LIPA: variants seen among roughly 807,000 people sequenced by gnomAD.
LIPA encodes the protein lipase A, lysosomal acid type.
LIPA carries 26 observed loss-of-function variants against 40.6 expected under a neutral mutation model. The ratio of observed to expected loss-of-function variants is 0.64; its 90% CI spans 0.47 to 0.89. LIPA has a LOEUF of 0.89. Among genes scored for constraint, LIPA ranks in the 40% least tolerant of loss-of-function variants. The probability of loss-of-function intolerance (pLI) is 0.00; values close to 1 mark genes in which losing one functional copy is unlikely to be tolerated. For synonymous variants in LIPA, 188 were observed against 168.4 expected (o/e 1.12, Z -0.90); for missense variants, 455 against 479.6 (o/e 0.95, Z 0.48).
chr10:89,267,571 G>T (rs1427206879), intron 1 of LIPA, among the ~76,000 whole-genome samples: 1 of 110,724 alleles, frequency 9.0e-6, no homozygotes, highest in Non-Finnish European at 1.8e-5. Flanking sequence ...ACACTCTGGG[G>T]ACTGTGGTGG....
chr10:89,329,608 C>A (rs1843630484), intron 1 of LIPA, among the ~76,000 whole-genome samples: 1 of 152,002 alleles, frequency 6.6e-6, no homozygotes, highest in Non-Finnish European at 1.5e-5. Context: ...GGAGAACTCA[C>A]TGGCACGTGC....
intron 1 of LIPA, among the ~76,000 whole-genome samples, chr10:89,276,966 A>G (rs7096524): frequency 0.83 from 126,139 of 152,142 alleles, 53,097 homozygotes; most frequent in East Asian, 1. Flanking sequence ...TCGACCCTCC[A>G]TCTCATTCAC....
intron 1 of LIPA, among the ~76,000 whole-genome samples, chr10:89,296,282 C>A (rs1843414247): frequency 6.6e-6 from 1 of 151,874 alleles, no homozygotes; most frequent in African/African-American, 2.4e-5. Context: ...TCCCTTAAGG[C>A]CAGAAGTTCA....
At chr10:89,236,406 T>C (rs1430380367) in intron 3 of LIPA, among the ~76,000 whole-genome samples, 1 of 152,240 alleles carries the variant, frequency 6.6e-6, no homozygotes, top group Non-Finnish European at 1.5e-5. Flanking sequence ...CTCCAGTAAA[T>C]TGCACATTGC....
At position 89,317,695 on chromosome 10, in the gene LIPA, C is replaced by T. The variant is rs1843548520; in HGVS notation, c.-2+24916G>A. ...CAACCTAGCAAGGGAGGCTAACATT[C>T]AAATTCAGGAAATACGGAGAACGCC... On this transcript the variant is annotated intron_variant, in intron 1 of 5. Coordinates refer to the LIPA transcript ENST00000282673. Among the ~76,000 whole-genome samples, 3 of 152,164 alleles carry T rather than the reference C, an allele frequency of 2.0e-5. No individual in the cohort carries two copies. The South Asian group carries it at 6.2e-4, about 32-fold the overall frequency.
At chr10:89,307,454 G>C (rs986795293) in intron 1 of LIPA, 1 of 1,131,712 alleles carries the variant, frequency 8.8e-7, no homozygotes, top group Admixed American at 2.2e-5. Context: ...TTCAAAATAT[G>C]TAATGACTGG....
At chr10:89,329,976 AG>A (rs1273253445) in intron 1 of LIPA, among the ~76,000 whole-genome samples, 2 of 152,170 alleles carry the variant, frequency 1.3e-5, no homozygotes, top group East Asian at 3.9e-4. Context: ...GGGGGTCACA[AG>A]GTGCTCAGTA....
At chr10:89,256,687 G>A (rs1283157644), upstream of LIPA, among the ~76,000 whole-genome samples, 1 of 152,222 alleles carries the variant, frequency 6.6e-6, no homozygotes, top group African/African-American at 2.4e-5. Flanking sequence ...AGGATTAAGT[G>A]AGACACTGTA....
rs142370571 is a variant in LIPA, at chr10:89,238,422, G to C, written c.229+7254C>G. ...TCCTTTACAACACTGACGCTTCTAT[G>C]ACACAGGCACTGAAACTAAAGCAAA... On this transcript the variant is annotated intron_variant, in intron 3 of 9. Coordinates refer to ENST00000336233, the MANE Select transcript of LIPA (RefSeq NM_000235.4). Among the ~76,000 whole-genome samples, 3 of 152,324 alleles carry C rather than the reference G, an allele frequency of 2.0e-5. No individual in the cohort carries two copies. In the East Asian group the frequency reaches 5.8e-4, roughly 29 times the overall value.
rs567073539 is a variant in LIPA at position 89,220,326 on chromosome 10, A to C, written c.894+2185T>G. On this transcript the variant is annotated intron_variant, in intron 8 of 9. Coordinates refer to ENST00000336233, the MANE Select transcript of LIPA (RefSeq NM_000235.4). ...CACCCTCCATCATCTCTGGGGGTGC[A>C]ATAACTGATGAGGTGACAGACATTG... Among the ~76,000 whole-genome samples the C allele has an allele frequency of 5.3e-5, 8 of 152,280 alleles. No individual in the cohort carries two copies. In the East Asian group the frequency reaches 1.5e-3, roughly 29 times the overall value.
At chr10:89,340,402 C>T (rs1843847389) in intron 1 of LIPA, 2 of 224,270 alleles carry the variant, frequency 8.9e-6, no homozygotes, top group Non-Finnish European at 1.8e-5. Flanking sequence ...ACTAAAAATA[C>T]AAAAAATTAG....
At chr10:89,385,296 T>C (rs1844202548) in intron 2 of LIPA, 1 of 153,030 alleles carries the variant, frequency 6.5e-6, no homozygotes, top group Non-Finnish European at 1.5e-5. Flanking sequence ...ACAAAATACT[T>C]CGGTATAACA....
intron 1 of LIPA, among the ~76,000 whole-genome samples, chr10:89,257,596 T>G (rs1843187559): frequency 6.6e-6 from 1 of 152,194 alleles, no homozygotes; most frequent in Non-Finnish European, 1.5e-5. Context: ...AGAGCAATCC[T>G]TGAGAAAAGA....
At chr10:89,313,464 CT>C (rs1163788411) in intron 1 of LIPA, among the ~76,000 whole-genome samples, 2 of 152,192 alleles carry the variant, frequency 1.3e-5, no homozygotes, top group Admixed American at 6.5e-5. Context: ...GGTGCAGCCA[CT>C]TTGGAAAATA....
Position 89,228,234 on chromosome 10 carries a change from G to C in LIPA, c.394C>G (p.Leu132Val), listed in dbSNP as rs746967258. The C allele has an allele frequency of 8.1e-6, 13 of 1,614,116 alleles. No individual in the cohort carries two copies. The highest frequency in any genetic ancestry group is 1.0e-5 in the Non-Finnish European group (12 of 1,179,974). ...CAGAATTCATCCTGAGAAACTGAGA[G>C]TGTCTTATGTTTCCGAGACCAGGTA... is the stretch of plus-strand genomic sequence containing the variant. ...GNTWSRKHKT[L>V]SVSQDEFWAF... is the part of the protein sequence containing the mutation. The change falls in exon 4 of 10, where the codon CTC becomes GTC. Residue 132 changes from leucine to valine, a missense_variant. Physicochemically the swap from Leu to Val is conservative, Grantham distance 32. Transcript: ENST00000336233.
rs1044958170 is a variant in LIPA at position 89,227,135 on chromosome 10, C to G, written c.429-131G>C. On this transcript the variant is annotated intron_variant, in intron 4 of 9. Transcript: ENST00000336233. ...GAAAACCAGCAGTGAGTCCAGGAAA[C>G]AACACCAGCAGGACTGCAGAAGCCC... The G allele has an allele frequency of 7.1e-6, 5 of 707,688 alleles. No homozygotes were observed. The African/African-American group carries it at 8.7e-5, about 12-fold the overall frequency. The allele number at this position is 707,688 out of a possible 1,614,324, so 43.8% of individuals were successfully genotyped here. A position where few individuals can be genotyped will look rare whatever the true frequency, so the allele number is the denominator to read the frequency against.
chr10:89,275,845 A>G (rs1380973452), intron 1 of LIPA, among the ~76,000 whole-genome samples: 1 of 152,222 alleles, frequency 6.6e-6, no homozygotes, highest in Non-Finnish European at 1.5e-5. Context: ...TAGGGCTATC[A>G]GGTGACTTGA....
chr10:89,399,327 T>A (rs1464334740), intron 2 of LIPA, among the ~76,000 whole-genome samples: 1 of 152,214 alleles, frequency 6.6e-6, no homozygotes, highest in Non-Finnish European at 1.5e-5. Flanking sequence ...TGATTTGTCT[T>A]ATCACTCTGT....
intron 1 of LIPA, among the ~76,000 whole-genome samples, chr10:89,288,722 C>T (rs1038597489): frequency 2.0e-5 from 3 of 152,152 alleles, no homozygotes; most frequent in Non-Finnish European, 4.4e-5. Flanking sequence ...TCTTCCACAC[C>T]TATCATTGAG....
Sources: allele counts gnomAD v4.1 joint callset (sites outside exome capture counted in the v4.1 genomes callset), GRCh38; gene constraint gnomAD v4.1.1; transcripts MANE v1.5; gene names NCBI Gene and HGNC (gene_info 2026-07-23, HGNC 2026-07-21).